Variants in SREBF1 observed in about 807,000 individuals in gnomAD.
SREBF1 encodes sterol regulatory element-binding protein 1.
SREBF1 carries 45 observed loss-of-function variants against 100.1 expected under a neutral mutation model. The observed-to-expected ratio is 0.45, with a 90% confidence interval of 0.35 to 0.58. The LOEUF (loss-of-function observed/expected upper bound fraction) is 0.58. SREBF1 is among the 20% of genes least tolerant of loss of function. SREBF1 has a pLI of 0.00. For missense variants in SREBF1, 1,324 were observed against 1,539.4 expected, an observed-to-expected ratio of 0.86 and a Z score of 2.34; for synonymous variants, 657 against 681.8, an observed-to-expected ratio of 0.96 and a Z score of 0.57.
At position 17,813,757 on chromosome 17, in the gene SREBF1, A is replaced by G. The variant is rs2033213955; in HGVS notation, c.2914T>C (p.Phe972Leu). ...SSSIDKAVQL[F>L]LCDLLLVVRT... Reference sequence around the variant, plus strand: ...ACCACAAGAAGCAGGTCACACAGGAACAGCTGCACGGCCTGGGGGTGGCAG... The same window carrying G: ...ACCACAAGAAGCAGGTCACACAGGAGCAGCTGCACGGCCTGGGGGTGGCAG... Residue 972 changes from phenylalanine (F) to leucine (L), a missense_variant, in exon 17 of 19, where the codon TTC becomes CTC. Physicochemically the swap from Phe to Leu is conservative, Grantham distance 22. Transcript: ENST00000261646. 1 of 1,535,238 alleles carries G rather than the reference A, an allele frequency of 6.5e-7. No homozygotes were observed. The highest frequency in any genetic ancestry group is 8.7e-7 in the Non-Finnish European group (1 of 1,146,708).
chr17:17,814,046 G>A, intron 16 of SREBF1, 199 bp downstream of exon 16: 2 of 685,054 alleles, frequency 2.9e-6, no homozygotes, highest in Non-Finnish European at 4.9e-6. Flanking sequence ...CAGGGATGGG[G>A]AAACTGAGGC....
intron 13 of SREBF1, 42 bp downstream of exon 13, chr17:17,815,179 G>A (rs375235305): frequency 1.3e-5 from 21 of 1,572,442 alleles, no homozygotes; most frequent in Admixed American, 1.0e-4. Context: ...TCAGAATCCC[G>A]CCGGAGGGGC....
At chr17:17,825,685 GCA>G (rs974157391) in intron 1 of SREBF1, among the ~76,000 whole-genome samples, 9 of 144,968 alleles carry the variant, frequency 6.2e-5, no homozygotes, top group African/African-American at 2.3e-4. Flanking sequence ...TCAGCTCACT[GCA>G]ACCTCTACCT....
chr17:17,816,046 G>A lies in SREBF1; in HGVS notation c.2215-18C>T. On this transcript the variant is annotated intron_variant, in intron 11 of 18. Transcript: ENST00000261646. ...AAGAAGCGCTGTAGGGGAGGGTACT[G>A]GGCTGTCACAGTGGACACAGCCTGG... The A allele has an allele frequency of 6.2e-7, 1 of 1,609,542 alleles. No homozygotes were observed. The highest frequency in any genetic ancestry group is 8.5e-7 in the Non-Finnish European group (1 of 1,178,144).
Position 17,818,883 on chromosome 17 carries a change from C to A in SREBF1, c.1068+130G>T, listed in dbSNP as rs561757838. ...AACTAAATAAACGAGGCTGGCCAGG[C>A]CTGGGGAGGCTGAATTCCAATTCCC... On this transcript the variant is annotated intron_variant, in intron 5 of 18. Transcript: ENST00000261646. 7 of 1,096,190 alleles carry A rather than the reference C, an allele frequency of 6.4e-6. No individual in the cohort carries two copies. In the East Asian group the frequency reaches 1.7e-4, roughly 26 times the overall value. 67.9% of individuals were successfully genotyped at this position (1,096,190 alleles called of 1,614,324 possible).
intron 12 of SREBF1, chr17:17,815,604 T>C (rs2033472911): frequency 3.3e-6 from 2 of 598,450 alleles, no homozygotes; most frequent in Non-Finnish European, 3.0e-6. Flanking sequence ...TCCGCTTCCT[T>C]ACTCCACAGC....
In SREBF1 at chr17:17,820,401, C is replaced by T. The variant is rs777245770; in HGVS notation, c.212G>A (p.Ser71Asn). 6.2e-7 allele frequency: 1 copy of T among 1,612,616 alleles called. No individual in the cohort carries two copies. Among genetic ancestry groups the T allele is most frequent in the Admixed American group, 1.7e-5 (1 of 60,002 alleles). The change falls in exon 2 of 19, where the codon AGC becomes AAC. Residue 71 changes from serine to asparagine, a missense_variant. Ser to Asn is a conservative substitution (Grantham distance 46). Coordinates refer to ENST00000261646, the MANE Select transcript of SREBF1 (RefSeq NM_004176.5). ...PASPDTSSPG[S>N]LSPPPATLSS... ...CAATGTGGCAGGAGGTGGAGACAAGCTGCCTGGGGAGCTGGTATCGGGGCT... is the reference window on the plus strand; with the variant it reads ...CAATGTGGCAGGAGGTGGAGACAAGTTGCCTGGGGAGCTGGTATCGGGGCT...
At chr17:17,829,256 ACT>A (rs2034709778) in intron 1 of SREBF1, among the ~76,000 whole-genome samples, 1 of 136,218 alleles carries the variant, frequency 7.3e-6, no homozygotes, top group Non-Finnish European at 1.5e-5. Context: ...ACACACACAC[ACT>A]CACACATACA....
At chr17:17,827,335 CAGCCACAGGGG>C (rs1434469778) in intron 1 of SREBF1, among the ~76,000 whole-genome samples, 1 of 152,208 alleles carries the variant, frequency 6.6e-6, no homozygotes, top group Non-Finnish European at 1.5e-5. Flanking sequence ...GAAGAAGGGT[CAGCCACAGGGG>C]AGGATGTGGC....
At chr17:17,825,569 C>T (rs573136655) in intron 1 of SREBF1, among the ~76,000 whole-genome samples, 1 of 150,880 alleles carries the variant, frequency 6.6e-6, no homozygotes, top group South Asian at 2.1e-4. Context: ...AACCCTGGCT[C>T]ACTCTCCCCT....
chr17:17,822,702 A>C (rs1391398289), intron 1 of SREBF1, among the ~76,000 whole-genome samples: 1 of 152,238 alleles, frequency 6.6e-6, no homozygotes, highest in Non-Finnish European at 1.5e-5. Flanking sequence ...TGGAGCCTGG[A>C]CCAACAGCCT....
intron 1 of SREBF1, 78 bp downstream of exon 1, chr17:17,836,649 C>CA (rs2035258362): frequency 7.0e-7 from 1 of 1,433,664 alleles, no homozygotes; most frequent in Admixed American, 2.0e-5. Context: ...GTGGGGGAGA[C>CA]AAAGGCCAGG....
intron 12 of SREBF1, chr17:17,815,571 C>T: frequency 1.7e-6 from 1 of 595,772 alleles, no homozygotes; most frequent in Non-Finnish European, 3.0e-6. Flanking sequence ...GGAAAACCGA[C>T]TTGAGAAGAT....
Position 17,823,416 on chromosome 17 carries a change from TC to T in SREBF1, c.92-2896del. ...CCTTCTCCCTCGGGAAGGGGCTCTT[TC>T]CTGCTCAAGTTGCGTAGCCCGCATG... On this transcript the variant is annotated intron_variant, in intron 1 of 18. Coordinates refer to ENST00000261646, the MANE Select transcript of SREBF1 (RefSeq NM_004176.5). 6 of 936,020 alleles carry T rather than the reference TC, an allele frequency of 6.4e-6. No individual in the cohort carries two copies. In the South Asian group the frequency reaches 7.9e-5, roughly 12 times the overall value. 58.0% of individuals were successfully genotyped at this position (936,020 alleles called of 1,614,324 possible).
chr17:17,823,595 G>C (rs1171268618), intron 1 of SREBF1: 1 of 1,612,240 alleles, frequency 6.2e-7, no homozygotes, highest in Non-Finnish European at 8.5e-7. Flanking sequence ...ACCCCTCCCC[G>C]CGCCGACTTC....
At chr17:17,815,144 C>T in intron 13 of SREBF1, 77 bp downstream of exon 13, 2 of 1,449,746 alleles carry the variant, frequency 1.4e-6, no homozygotes, top group South Asian at 2.3e-5. Flanking sequence ...GGGCTCTCTC[C>T]ACAGGGTTGA....
intron 1 of SREBF1, among the ~76,000 whole-genome samples, chr17:17,833,300 T>G (rs909495209): frequency 4.0e-5 from 6 of 150,228 alleles, no homozygotes; most frequent in African/African-American, 1.5e-4. Flanking sequence ...GGCAGGTGCC[T>G]GTAATCCCAG....
intron 2 of SREBF1, 51 bp downstream of exon 2, chr17:17,820,039 C>T: frequency 1.3e-6 from 2 of 1,550,088 alleles, no homozygotes; most frequent in Non-Finnish European, 1.7e-6. Context: ...TCTTCCTGTG[C>T]TCCTGGAAGC....
chr17:17,824,073 C>A lies in SREBF1; in HGVS notation c.92-3552G>T, dbSNP rs561417343. On this transcript the variant is annotated intron_variant, in intron 1 of 18. Transcript: ENST00000261646. The surrounding 1 kb of genome is among the most constrained non-coding windows in gnomAD (Gnocchi z 4.2). ...AGCGAGCCTTAACCGCTCCAACCCT[C>A]CGTTTACTCCTCCAGAAAACAGGAC... Among the ~76,000 whole-genome samples, 56 of 152,266 alleles carry A rather than the reference C, an allele frequency of 3.7e-4. No individual in the cohort carries two copies. The highest frequency in any genetic ancestry group is 1.2e-3 in the African/African-American group (49 of 41,496).
Sources: allele counts gnomAD v4.1 joint callset (sites outside exome capture counted in the v4.1 genomes callset), GRCh38; gene constraint gnomAD v4.1.1; non-coding constraint Gnocchi (gnomAD v3.1); transcripts MANE v1.5; gene names NCBI Gene and HGNC (gene_info 2026-07-23, HGNC 2026-07-21).